The following MYH7B variants were observed in gnomAD, a reference collection of about 807,000 sequenced individuals.
MYH7B encodes myosin heavy chain 7B, also known as myosin-7B.
A neutral mutation model predicts 234.5 loss-of-function variants in MYH7B; 205 were observed. That is an observed-to-expected ratio of 0.87 (90% CI 0.78 to 0.98). MYH7B has a LOEUF of 0.98. Among genes scored for constraint, MYH7B ranks in the 50% least tolerant of loss-of-function variants. The pLI, the probability that MYH7B is intolerant of heterozygous loss-of-function variation, is 0.00. For synonymous variants in MYH7B, 1,193 were observed against 1,105.0 expected (o/e 1.08, Z -1.58); for missense variants, 2,652 against 2,633.4 (o/e 1.01, Z -0.15).
intron 16 of MYH7B, 130 bp downstream of exon 16, chr20:34,987,417 C>G (rs1190073653): frequency 1.3e-5 from 18 of 1,438,002 alleles, no homozygotes; most frequent in Admixed American, 1.9e-5. Flanking sequence ...GCTCCAAACC[C>G]TTACCCTCCT....
intron 2 of MYH7B, among the ~76,000 whole-genome samples, chr20:34,974,290 A>G (rs2081824127): frequency 6.7e-6 from 1 of 148,964 alleles, no homozygotes; most frequent in South Asian, 2.1e-4. Context: ...GGCTGGTCTC[A>G]AACTCATGAG....
At chr20:34,975,815 A>G (rs1269278641) in intron 3 of MYH7B, among the ~76,000 whole-genome samples, 1 of 152,050 alleles carries the variant, frequency 6.6e-6, no homozygotes, top group African/African-American at 2.4e-5. Context: ...TCCCGGGTTC[A>G]CGCCATTCTC....
At chr20:34,972,055 C>T (rs2081798378) in intron 2 of MYH7B, among the ~76,000 whole-genome samples, 3 of 152,210 alleles carry the variant, frequency 2.0e-5, no homozygotes, top group African/African-American at 7.2e-5. Flanking sequence ...GACCCATCCG[C>T]TCTCACCCGG....
rs1409138115 is a variant in MYH7B at position 34,958,095 on chromosome 20, C to G, written c.-336-3C>G. 6.6e-6 allele frequency among the ~76,000 whole-genome samples: 1 copy of G among 152,222 alleles called. No individual in the cohort carries two copies. Among genetic ancestry groups the G allele is most frequent in the Non-Finnish European group, 1.5e-5 (1 of 68,044 alleles). ...AAAGCATGACCCAGGGTTCTCTGTG[C>G]AGGTTCCCCTCTTCCAAGACGGGTG... On this transcript the variant is annotated splice_polypyrimidine_tract_variant and splice_region_variant and intron_variant, in intron 1 of 44. Transcript: ENST00000262873.
At chr20:34,992,953 T>C in intron 24 of MYH7B, 149 bp from the exon 25 acceptor site, 6 of 962,216 alleles carry the variant, frequency 6.2e-6, no homozygotes, top group Non-Finnish European at 9.4e-6. Context: ...GCATGTGCCC[T>C]GCTGGAACCT....
chr20:35,000,050 C>A, intron 38 of MYH7B, 144 bp downstream of exon 38: 1 of 937,808 alleles, frequency 1.1e-6, no homozygotes, highest in Non-Finnish European at 1.6e-6. Context: ...CTCGGAGATG[C>A]TAAAGGACTT....
At position 34,986,757 on chromosome 20, in the gene MYH7B, G is replaced by A. The variant is rs533919278; in HGVS notation, c.905-129G>A. 7 of 697,886 alleles carry A rather than the reference G, an allele frequency of 1.0e-5. No homozygotes were observed. The East Asian group carries it at 1.8e-4, about 18-fold the overall frequency. The allele number at this position is 697,886 out of a possible 1,614,324, so 43.2% of individuals were successfully genotyped here. ...AAACTTAGGCCCCAGACTGGGAGAT[G>A]AGGTCCTCTGGGAGGGCCCTAGACT... On this transcript the variant is annotated intron_variant, in intron 14 of 44. Coordinates refer to ENST00000262873, the Ensembl canonical transcript of MYH7B.
intron 1 of MYH7B, 33 bp downstream of exon 1, chr20:34,956,040 G>T (rs575084273): frequency 6.6e-6 from 1 of 152,440 alleles, no homozygotes; most frequent in Admixed American, 6.5e-5. Context: ...CAGAGCTGAC[G>T]ACGACTAGTG....
chr20:34,988,114 G>A (rs749135720), exon 19 of MYH7B: 2 of 1,613,758 alleles, frequency 1.2e-6, no homozygotes, highest in African/African-American at 1.3e-5. Context: ...GAACAGCTGT[G>A]CATCAACTTC....
At position 34,979,819 on chromosome 20, in the gene MYH7B, CG is replaced by C; in HGVS notation, c.342+18del. On this transcript the variant is annotated intron_variant, in intron 7 of 44. Coordinates refer to ENST00000262873, the Ensembl canonical transcript of MYH7B. ...GGATGATCTATGTGAGCCCCAGGCCCGGGCCATGGGCGGGGTGGGGCTTGTA... is the reference window on the plus strand; with the variant it reads ...GGATGATCTATGTGAGCCCCAGGCCCGGCCATGGGCGGGGTGGGGCTTGTA... The C allele has an allele frequency of 6.2e-7, 1 of 1,603,568 alleles. No homozygotes were observed. The highest frequency in any genetic ancestry group is 8.5e-7 in the Non-Finnish European group (1 of 1,174,636).
rs777581130 is a variant in MYH7B, at chr20:34,999,916, T to C, written c.4781+10T>C. The C allele has an allele frequency of 6.2e-7, 1 of 1,610,614 alleles. No homozygotes were observed. The highest frequency in any genetic ancestry group is 8.5e-7 in the Non-Finnish European group (1 of 1,177,928). The stretch of plus-strand genomic sequence containing the variant: ...AGTGCGCTAACCTGAGGTGTGTCCA[T>C]CCTTCTCCCGTCCCCACCTCCCGAG... On this transcript the variant is annotated intron_variant, in intron 38 of 44. Coordinates refer to ENST00000262873, the Ensembl canonical transcript of MYH7B.
chr20:34,987,952 A>C, intron 18 of MYH7B, 38 bp downstream of exon 18: 1 of 1,563,972 alleles, frequency 6.4e-7, no homozygotes, highest in Non-Finnish European at 8.7e-7. Flanking sequence ...TGTTCTCTCC[A>C]AGGTAGAGGA....
intron 2 of MYH7B, among the ~76,000 whole-genome samples, chr20:34,967,099 C>T (rs1390322952): frequency 2.6e-5 from 4 of 151,448 alleles, no homozygotes; most frequent in Admixed American, 6.6e-5. Flanking sequence ...CATGGTGGCG[C>T]GCACCTGTAG....
chr20:34,977,450 T>C (rs2081872483), intron 3 of MYH7B, among the ~76,000 whole-genome samples, 182 bp from the exon 4 acceptor site: 1 of 152,136 alleles, frequency 6.6e-6, no homozygotes, highest in African/African-American at 2.4e-5. Flanking sequence ...CCAGCCTCCC[T>C]GTCTCTCAGT....
exon 30 of MYH7B, chr20:34,996,721 G>C: frequency 6.2e-7 from 1 of 1,613,438 alleles, no homozygotes; most frequent in Non-Finnish European, 8.5e-7. Context: ...GGCTGATGCT[G>C]CTCAAGACAA....
Position 34,991,140 on chromosome 20 carries a change from CT to C in MYH7B, c.2183+20del, listed in dbSNP as rs781254345. ...GGCAGCGGTGGGTGACCCCTTCCCCCTGCCTGCTGCTCCAGGTGGAGGCCTG... is the reference window on the plus strand; with the variant it reads ...GGCAGCGGTGGGTGACCCCTTCCCCCGCCTGCTGCTCCAGGTGGAGGCCTG... On this transcript the variant is annotated intron_variant, in intron 24 of 44. Coordinates refer to ENST00000262873, the Ensembl canonical transcript of MYH7B. The C allele has an allele frequency of 2.6e-6, 4 of 1,552,852 alleles. No homozygotes were observed. Among genetic ancestry groups the C allele is most frequent in the Middle Eastern group, 3.4e-4 (2 of 5,836 alleles).
At position 34,979,939 on chromosome 20, in the gene MYH7B, G is replaced by C. The variant is rs2081917774; in HGVS notation, c.342+135G>C. ...GGATCGGGGCTGTGAATGATAGAGCGGGTCCATAGCGGGGGTGGGGCTGTG... is the reference window on the plus strand; with the variant it reads ...GGATCGGGGCTGTGAATGATAGAGCCGGTCCATAGCGGGGGTGGGGCTGTG... On this transcript the variant is annotated intron_variant, in intron 7 of 44. Coordinates refer to ENST00000262873, the Ensembl canonical transcript of MYH7B. 6 of 1,015,124 alleles carry C rather than the reference G, an allele frequency of 5.9e-6. No individual in the cohort carries two copies. In the South Asian group the frequency reaches 7.9e-5, roughly 13 times the overall value. 62.9% of individuals were successfully genotyped at this position (1,015,124 alleles called of 1,614,324 possible).
At chr20:34,988,225 G>T in exon 19 of MYH7B, 1 of 1,614,128 alleles carries the variant, frequency 6.2e-7, no homozygotes, top group Non-Finnish European at 8.5e-7. Context: ...ATCGACTTCG[G>T]CCTTGACCTG....
intron 14 of MYH7B, 145 bp from the exon 15 acceptor site, chr20:34,986,741 C>T (rs551131234): frequency 7.7e-6 from 5 of 652,378 alleles, no homozygotes; most frequent in Admixed American, 7.6e-5. Context: ...GAAACTTAGG[C>T]CCCAGACTGG....
Sources: gnomAD v4.1 joint callset for allele counts (sites outside exome capture counted in the v4.1 genomes callset) on GRCh38, gnomAD v4.1.1 for gene constraint, MANE v1.5 for transcripts, NCBI Gene and HGNC (gene_info 2026-07-23, HGNC 2026-07-21) for gene names.